Variants in IDO2 observed in about 807,000 individuals in gnomAD.
IDO2 encodes indoleamine 2,3-dioxygenase 2.
IDO2 carries 46 observed loss-of-function variants against 45.1 expected under a neutral mutation model. That is an observed-to-expected ratio of 1.02 (90% CI 0.80 to 1.30). The LOEUF is 1.30. IDO2 is among the 50% of genes most tolerant of loss of function. IDO2 has a pLI of 0.00. For synonymous variants in IDO2, 218 were observed against 184.9 expected (o/e 1.18, Z -1.45); for missense variants, 544 against 491.8 (o/e 1.11, Z -1.00).
intron 9 of IDO2, among the ~76,000 whole-genome samples, chr8:40,010,471 G>A (rs768649484): frequency 1.3e-5 from 2 of 152,178 alleles, no homozygotes; most frequent in Non-Finnish European, 2.9e-5. Context: ...AATGTGATCT[G>A]CCTTCAGTTG....
intron 8 of IDO2, among the ~76,000 whole-genome samples, chr8:39,990,168 C>G (rs529703781): frequency 6.6e-6 from 1 of 152,090 alleles, no homozygotes; most frequent in African/African-American, 2.4e-5. Flanking sequence ...TCGCGCGTGC[C>G]CCATCCTGCA....
intron 1 of IDO2, among the ~76,000 whole-genome samples, chr8:39,940,900 A>G (rs1034009913): frequency 3.4e-5 from 5 of 149,094 alleles, no homozygotes; most frequent in Non-Finnish European, 5.9e-5. Flanking sequence ...AGTATATACC[A>G]TTCTTATGTA....
intron 8 of IDO2, among the ~76,000 whole-genome samples, chr8:39,993,443 A>C (rs1801981032): frequency 6.6e-6 from 1 of 152,154 alleles, no homozygotes; most frequent in Admixed American, 6.6e-5. Flanking sequence ...AGTAATGAGG[A>C]GTCGAAGGGT....
chr8:39,934,759 T>G (rs1232919669), exon 1 of IDO2: 4 of 272,588 alleles, frequency 1.5e-5, no homozygotes, highest in Non-Finnish European at 1.4e-5. Flanking sequence ...CTAGAGACGC[T>G]GAGGTGGTTG....
exon 5 of IDO2, chr8:39,982,726 C>T (rs1246607784): frequency 6.2e-7 from 1 of 1,610,486 alleles, no homozygotes; most frequent in Non-Finnish European, 8.5e-7. Flanking sequence ...TCCTGGTCCA[C>T]TCAGACTTGG....
intron 8 of IDO2, among the ~76,000 whole-genome samples, chr8:40,003,034 A>C (rs760929967): frequency 6.6e-6 from 1 of 152,166 alleles, no homozygotes; most frequent in Non-Finnish European, 1.5e-5. Context: ...ATATATCCAG[A>C]CAGAGAACTC....
At chr8:39,970,764 CTTT>C (rs766122277) in intron 3 of IDO2, among the ~76,000 whole-genome samples, 1 of 112,436 alleles carries the variant, frequency 8.9e-6, no homozygotes, top group Admixed American at 9.5e-5. Context: ...CCAACCAGGA[CTTT>C]TTTTTTTTTT....
intron 7 of IDO2, among the ~76,000 whole-genome samples, chr8:39,988,188 C>T (rs765021359): frequency 6.6e-6 from 1 of 152,116 alleles, no homozygotes; most frequent in Admixed American, 6.6e-5. Flanking sequence ...GTCCATTCAA[C>T]AAACAGGCAT....
At chr8:39,939,797 T>C (rs998651609) in intron 1 of IDO2, among the ~76,000 whole-genome samples, 2 of 151,816 alleles carry the variant, frequency 1.3e-5, no homozygotes, top group Admixed American at 1.3e-4. Flanking sequence ...AAGAAGTAAT[T>C]AATGAACTGG....
At chr8:39,974,103 T>C (rs1256148051) in intron 3 of IDO2, among the ~76,000 whole-genome samples, 1 of 152,150 alleles carries the variant, frequency 6.6e-6, no homozygotes, top group African/African-American at 2.4e-5. Flanking sequence ...AAAAATAATA[T>C]ACAGTTAACA....
At chr8:39,961,169 T>C (rs1439916980) in intron 2 of IDO2, among the ~76,000 whole-genome samples, 1 of 152,222 alleles carries the variant, frequency 6.6e-6, no homozygotes, top group Non-Finnish European at 1.5e-5. Context: ...CTGGAATCAG[T>C]TCCTCTATCT....
intron 7 of IDO2, 57 bp from the exon 8 acceptor site, chr8:39,989,664 G>A: frequency 8.2e-7 from 1 of 1,225,176 alleles, no homozygotes; most frequent in Non-Finnish European, 1.2e-6. Flanking sequence ...GGCTTACTCT[G>A]CCTGCATGGA....
intron 2 of IDO2, among the ~76,000 whole-genome samples, chr8:39,958,202 G>A (rs1049839981): frequency 6.7e-6 from 1 of 150,216 alleles, no homozygotes; most frequent in African/African-American, 2.5e-5. Flanking sequence ...ACCGCGCCCA[G>A]ACTTTATTTT....
intron 8 of IDO2, among the ~76,000 whole-genome samples, chr8:39,999,923 T>C (rs1802108726): frequency 6.6e-6 from 1 of 152,304 alleles, no homozygotes; most frequent in South Asian, 2.1e-4. Flanking sequence ...GAGGAATTGA[T>C]TGCTGGGGTC....
intron 7 of IDO2, among the ~76,000 whole-genome samples, chr8:39,989,258 C>A (rs543109410): frequency 1.5e-3 from 230 of 152,058 alleles, no homozygotes; most frequent in Non-Finnish European, 3.0e-3. Flanking sequence ...GAGCCCACCC[C>A]CATAATTCAA....
chr8:39,935,129 TA>T lies in IDO2; in HGVS notation c.-104del, dbSNP rs571216972. 13 of 1,420,864 alleles carry T rather than the reference TA, an allele frequency of 9.1e-6. No homozygotes were observed. The African/African-American group carries it at 9.8e-5, about 11-fold the overall frequency. The allele number at this position is 1,420,864 out of a possible 1,614,324, so 88.0% of individuals were successfully genotyped here. On this transcript the variant is annotated 5_prime_UTR_variant, in exon 1 of 11. An upstream open reading frame in the 5' UTR gains an earlier in-frame stop. Transcript: ENST00000502986. ...CATAATACAGAAGGCAATGGACACC[TA>T]AAGAACAGAATGAAAACCTTCTTAG...
intron 1 of IDO2, among the ~76,000 whole-genome samples, chr8:39,936,071 T>C (rs1416175116): frequency 1.3e-5 from 2 of 152,220 alleles, no homozygotes; most frequent in African/African-American, 4.8e-5. Flanking sequence ...TTTCTCTTGC[T>C]GATAGAATGC....
intron 9 of IDO2, among the ~76,000 whole-genome samples, chr8:40,012,350 T>C (rs932834186): frequency 2.6e-5 from 4 of 152,190 alleles, no homozygotes; most frequent in Non-Finnish European, 4.4e-5. Flanking sequence ...AAAATGAAGA[T>C]AGAAAATTGC....
At chr8:39,995,369 C>T (rs2129595008) in intron 8 of IDO2, 1 of 150,362 alleles carries the variant, frequency 6.7e-6, no homozygotes, top group East Asian at 2.0e-4. Flanking sequence ...CAACCTCTGC[C>T]TCCCAGGTTC....
Sources: allele counts gnomAD v4.1 joint callset (sites outside exome capture counted in the v4.1 genomes callset), GRCh38; gene constraint gnomAD v4.1.1; transcripts MANE v1.5; gene names NCBI Gene and HGNC (gene_info 2026-07-23, HGNC 2026-07-21).